Variants in CSMD1 observed in about 807,000 individuals in gnomAD.
CSMD1 encodes CUB and Sushi multiple domains 1, also known as CUB and sushi domain-containing protein 1.
A neutral mutation model predicts 417.5 loss-of-function variants in CSMD1; 213 were observed. The observed-to-expected ratio is 0.51, with a 90% confidence interval of 0.46 to 0.57. The LOEUF is 0.57. Among genes scored for constraint, CSMD1 ranks in the 20% least tolerant of loss-of-function variants. The probability of loss-of-function intolerance (pLI) is 0.00; values close to 1 mark genes in which losing one functional copy is unlikely to be tolerated. For missense variants in CSMD1, 6,923 were observed against 4,529.7 expected (o/e 1.53, Z -15.17); for synonymous variants, 2,862 against 1,736.8 (o/e 1.65, Z -16.11).
intron 2 of CSMD1, among the ~76,000 whole-genome samples, chr8:4,568,209 T>C (rs972944314): frequency 1.3e-5 from 2 of 152,184 alleles, no homozygotes; most frequent in African/African-American, 2.4e-5. Context: ...CACATGGGTA[T>C]ACATGTTTAC....
At chr8:3,811,369 T>C (rs1025312108) in intron 5 of CSMD1, among the ~76,000 whole-genome samples, 52 of 152,312 alleles carry the variant, frequency 3.4e-4, no homozygotes, top group Non-Finnish European at 6.3e-4. Context: ...AGCCTTTACC[T>C]GTGATTCTTA....
chr8:3,968,761 C>G (rs896389256), intron 5 of CSMD1, among the ~76,000 whole-genome samples: 1 of 152,070 alleles, frequency 6.6e-6, no homozygotes, highest in Non-Finnish European at 1.5e-5. Context: ...AACCAAAATG[C>G]TGAAGATGGG....
At chr8:4,237,563 C>G (rs1428760939) in intron 3 of CSMD1, among the ~76,000 whole-genome samples, 1 of 150,248 alleles carries the variant, frequency 6.7e-6, no homozygotes, top group African/African-American at 2.4e-5. Context: ...GAGTTGGAGT[C>G]TTGCTCTGTC....
chr8:4,526,968 G>C (rs932097903), intron 2 of CSMD1, among the ~76,000 whole-genome samples: 38 of 152,214 alleles, frequency 2.5e-4, no homozygotes, highest in Admixed American at 2.4e-3. Context: ...CCCAACTGTA[G>C]ATACCATCTA....
intron 1 of CSMD1, among the ~76,000 whole-genome samples, chr8:4,694,459 C>G (rs1806985814): frequency 6.6e-6 from 1 of 152,098 alleles, no homozygotes; most frequent in South Asian, 2.1e-4. Flanking sequence ...TCAAGCGATT[C>G]TCCTGCCTCA....
intron 4 of CSMD1, among the ~76,000 whole-genome samples, chr8:4,007,979 AAG>A (rs1484296233): frequency 6.6e-6 from 1 of 152,172 alleles, no homozygotes; most frequent in African/African-American, 2.4e-5. Context: ...AATTACCAAA[AAG>A]AACGATTCAT....
At chr8:4,208,175 G>A (rs570196970) in intron 3 of CSMD1, among the ~76,000 whole-genome samples, 1 of 152,112 alleles carries the variant, frequency 6.6e-6, no homozygotes, top group Non-Finnish European at 1.5e-5. Flanking sequence ...TAAGGTGTTA[G>A]AAATGAAAAT....
At position 3,561,760 on chromosome 8, in the gene CSMD1, G is replaced by A. The variant is rs778825962; in HGVS notation, c.1344+13185C>T. On this transcript the variant is annotated intron_variant, in intron 10 of 69. Coordinates refer to ENST00000635120, the MANE Select transcript of CSMD1 (RefSeq NM_033225.6). ...ATGTGACAAAACTGGACATATACCC[G>A]CTTTAAAAAATTTAACAAGTAAAAT... 5.3e-5 allele frequency among the ~76,000 whole-genome samples: 8 copies of A among 151,928 alleles called. No homozygotes were observed. The East Asian group carries it at 5.8e-4, about 11-fold the overall frequency.
chr8:4,346,974 G>A lies in CSMD1; in HGVS notation c.415+72979C>T, dbSNP rs370726087. On this transcript the variant is annotated intron_variant, in intron 3 of 69. Transcript: ENST00000635120. ...AGGTAACATTCAACTCTCTTGTAAT[G>A]GAGGGTGCTTGTGGCTGAGGACAAG... Among the ~76,000 whole-genome samples, 14 of 152,244 alleles carry A rather than the reference G, an allele frequency of 9.2e-5. No homozygotes were observed. In the South Asian group the frequency reaches 2.9e-3, roughly 32 times the overall value.
intron 26 of CSMD1, among the ~76,000 whole-genome samples, chr8:3,231,872 T>C (rs966700459): frequency 2.6e-5 from 4 of 152,180 alleles, no homozygotes; most frequent in Non-Finnish European, 5.9e-5. Context: ...ATCTAAGTCA[T>C]TAAGTCTGCT....
intron 2 of CSMD1, among the ~76,000 whole-genome samples, chr8:4,452,249 C>A (rs920522938): frequency 6.6e-6 from 1 of 152,150 alleles, no homozygotes; most frequent in Non-Finnish European, 1.5e-5. Context: ...CCAAACTGAA[C>A]GCCTCAGCTC....
intron 3 of CSMD1, among the ~76,000 whole-genome samples, chr8:4,352,289 G>A (rs925376731): frequency 1.3e-5 from 2 of 152,114 alleles, no homozygotes; most frequent in Admixed American, 6.6e-5. Flanking sequence ...GTTCTTCCAG[G>A]TGATTTAGAA....
chr8:4,407,935 C>G (rs1585028778), intron 3 of CSMD1, among the ~76,000 whole-genome samples: 1 of 152,108 alleles, frequency 6.6e-6, no homozygotes, highest in Non-Finnish European at 1.5e-5. Context: ...CATCTTATTC[C>G]TGCACAAAAT....
At position 4,439,625 on chromosome 8, in the gene CSMD1, A is replaced by C. The variant is rs1154061; in HGVS notation, c.303-19560T>G. Among the ~76,000 whole-genome samples the C allele has an allele frequency of 7.8e-3, 1,188 of 152,276 alleles. 11 individuals are homozygous for C. Among genetic ancestry groups the C allele is most frequent in the African/African-American group, 0.026 (1,080 of 41,560 alleles). On this transcript the variant is annotated intron_variant, in intron 2 of 69. Transcript: ENST00000635120. ...ACATATTTGTTTTAAGGTAAAGTAA[A>C]ACAGCACCATAAGGCAAAATGGAAG...
At chr8:4,986,515 C>G (rs1474043670) in intron 1 of CSMD1, among the ~76,000 whole-genome samples, 1 of 152,160 alleles carries the variant, frequency 6.6e-6, no homozygotes, top group Non-Finnish European at 1.5e-5. Flanking sequence ...AGAGATCACT[C>G]TCCAAATAAT....
chr8:4,465,286 T>G (rs1800098116), intron 2 of CSMD1, among the ~76,000 whole-genome samples: 1 of 152,168 alleles, frequency 6.6e-6, no homozygotes, highest in African/African-American at 2.4e-5. Flanking sequence ...ACCCAGGTGC[T>G]AACCCAGACA....
intron 8 of CSMD1, among the ~76,000 whole-genome samples, chr8:3,609,624 C>G (rs886690929): frequency 3.3e-5 from 5 of 151,622 alleles, no homozygotes; most frequent in African/African-American, 1.2e-4. Flanking sequence ...ACAAAACAGC[C>G]CCAAGTTACA....
rs71209120 is a variant in CSMD1, at chr8:4,742,000, C to CTTTTTTTTTT, written c.86-104452_86-104443dup. Among the ~76,000 whole-genome samples the CTTTTTTTTTT allele has an allele frequency of 4.1e-5, 3 of 73,818 alleles. 1 individual carries two copies. The highest frequency in any genetic ancestry group is 8.1e-5 in the Non-Finnish European group (3 of 37,162). The allele number at this position is 73,818 out of a possible 152,430, so 48.4% of individuals were successfully genotyped here. A position where few individuals can be genotyped will look rare whatever the true frequency, so the allele number is the denominator to read the frequency against. ...AGGTCCGCACGCACCACCACACCCA[C>CTTTTTTTTTT]TTTTTTTTTTTTTTTTTTTTTTTTT... On this transcript the variant is annotated intron_variant, in intron 1 of 69. Transcript: ENST00000635120.
At chr8:4,642,506 C>A (rs1803260157) in intron 1 of CSMD1, among the ~76,000 whole-genome samples, 1 of 152,138 alleles carries the variant, frequency 6.6e-6, no homozygotes, top group African/African-American at 2.4e-5. Flanking sequence ...GTGATCCAAA[C>A]TGATTCACTG....
Sources: gnomAD v4.1 joint callset for allele counts (sites outside exome capture counted in the v4.1 genomes callset) on GRCh38, gnomAD v4.1.1 for gene constraint, MANE v1.5 for transcripts, NCBI Gene and HGNC (gene_info 2026-07-23, HGNC 2026-07-21) for gene names.